Variants in MAP3K19 observed in about 807,000 individuals in gnomAD.
MAP3K19 encodes the protein mitogen-activated protein kinase kinase kinase 19.
In MAP3K19, 91 loss-of-function variants were observed where a neutral mutation model predicts 114.4. The ratio of observed to expected loss-of-function variants is 0.80; its 90% CI spans 0.67 to 0.95. MAP3K19 has a LOEUF of 0.95. Ranked by LOEUF, MAP3K19 falls within the 40% of genes least tolerant of loss-of-function variation. MAP3K19 has a pLI of 0.00. For missense variants in MAP3K19, 1,471 were observed against 1,573.2 expected (o/e 0.94, Z 1.10); for synonymous variants, 518 against 530.5 (o/e 0.98, Z 0.32).
chr2:135,026,393 C>T (rs1688255923), intron 3 of MAP3K19, among the ~76,000 whole-genome samples: 1 of 152,200 alleles, frequency 6.6e-6, no homozygotes, highest in Non-Finnish European at 1.5e-5. Flanking sequence ...TATTTCTCAA[C>T]ACTAGGCTGA....
intron 5 of MAP3K19, 145 bp from the exon 6 acceptor site, chr2:135,005,676 A>C (rs1356307920): frequency 6.2e-5 from 40 of 640,402 alleles, no homozygotes; most frequent in South Asian, 3.3e-4. Context: ...CTAAAATAAT[A>C]AGAAAGTATC....
chr2:135,004,404 G>T (rs549232205), intron 6 of MAP3K19, among the ~76,000 whole-genome samples: 1 of 152,150 alleles, frequency 6.6e-6, no homozygotes. Flanking sequence ...CCCAGTGGGC[G>T]TGAGAAAGGC....
intron 8 of MAP3K19, among the ~76,000 whole-genome samples, chr2:134,995,595 G>A (rs887640046): frequency 5.3e-5 from 8 of 152,150 alleles, no homozygotes; most frequent in Non-Finnish European, 2.9e-5. Context: ...CACAGGATGG[G>A]ATGAATTAGT....
intron 2 of MAP3K19, among the ~76,000 whole-genome samples, chr2:135,031,429 G>A (rs76876678): frequency 6.6e-6 from 1 of 152,138 alleles, no homozygotes; most frequent in Admixed American, 6.5e-5. Context: ...GCTTTGGAAG[G>A]AGTTAGGTAT....
At chr2:134,983,633 G>A (rs375812000) in intron 11 of MAP3K19, 43 bp downstream of exon 11, 64 of 1,472,150 alleles carry the variant, frequency 4.3e-5, no homozygotes, top group Non-Finnish European at 5.7e-5. Context: ...AGGGACTGTG[G>A]GGGGGTGGGG....
At position 134,999,861 on chromosome 2, in the gene MAP3K19, A is replaced by G; in HGVS notation, c.314+76T>C. On this transcript the variant is annotated intron_variant, in intron 7 of 12. Coordinates refer to ENST00000392915, the MANE Select transcript of MAP3K19 (RefSeq NM_025052.5). The surrounding 1 kb of genome is among the most constrained non-coding windows in gnomAD (Gnocchi z 4.1). The stretch of plus-strand genomic sequence containing the variant: ...AGCATTATTATGGATTCAATTACTA[A>G]TAATGTAGGTTGCCATATGACTATC... 3.2e-6 allele frequency: 3 copies of G among 946,344 alleles called. No homozygotes were observed. The highest frequency in any genetic ancestry group is 5.2e-6 in the Non-Finnish European group (3 of 579,062). 58.6% of individuals were successfully genotyped at this position (946,344 alleles called of 1,614,324 possible).
chr2:135,022,343 G>C (rs1019946401), intron 4 of MAP3K19, among the ~76,000 whole-genome samples: 4 of 152,162 alleles, frequency 2.6e-5, no homozygotes, highest in Non-Finnish European at 4.4e-5. Context: ...AGCAGTTCAA[G>C]GTTAGGGAAT....
At position 134,986,751 on chromosome 2, in the gene MAP3K19, C is replaced by T; in HGVS notation, c.2121G>A (p.Glu707=). Residue 707 remains glutamate, a synonymous_variant, in exon 10 of 13, where the codon GAG becomes GAA. Transcript: ENST00000392915. The stretch of plus-strand genomic sequence containing the variant: ...GTCTTGTTCTGATATTGCTCTTCCT[C>T]TCACTGTGTGAAGATCGACATTTAT... ...ITNKCRSSHS[E]RKSNIRTRLS... 6.2e-7 allele frequency: 1 copy of T among 1,614,192 alleles called. No homozygotes were observed. The highest frequency in any genetic ancestry group is 8.5e-7 in the Non-Finnish European group (1 of 1,180,034).
chr2:134,965,826 A>G (rs971020361), intron 12 of MAP3K19, among the ~76,000 whole-genome samples: 29 of 151,730 alleles, frequency 1.9e-4, no homozygotes, highest in African/African-American at 7.0e-4. Flanking sequence ...ATTAGAACTT[A>G]CTCCTTCTAT....
chr2:134,996,090 C>T (rs1402889319), intron 8 of MAP3K19, among the ~76,000 whole-genome samples: 6 of 151,958 alleles, frequency 3.9e-5, no homozygotes, highest in African/African-American at 7.3e-5. Context: ...TAGGTGTGCA[C>T]CACCACAGCC....
intron 6 of MAP3K19, among the ~76,000 whole-genome samples, chr2:135,001,972 A>G (rs1385369185): frequency 2.0e-5 from 3 of 152,228 alleles, no homozygotes; most frequent in Non-Finnish European, 4.4e-5. Flanking sequence ...ATTACAGAAT[A>G]TTGATTCTGA....
intron 4 of MAP3K19, chr2:135,023,668 A>G (rs1281585582): frequency 2.3e-6 from 1 of 440,584 alleles, no homozygotes; most frequent in Middle Eastern, 3.4e-4. Flanking sequence ...TTCTTTCACA[A>G]TGTCTCCTAG....
chr2:134,989,599 T>C (rs1179986237), intron 9 of MAP3K19, among the ~76,000 whole-genome samples: 1 of 152,150 alleles, frequency 6.6e-6, no homozygotes, highest in Admixed American at 6.5e-5. Flanking sequence ...CCTTTTACAA[T>C]GCTAAGCAGT....
At chr2:134,974,380 G>A (rs1318878387) in intron 12 of MAP3K19, among the ~76,000 whole-genome samples, 1 of 152,118 alleles carries the variant, frequency 6.6e-6, no homozygotes, top group South Asian at 2.1e-4. Flanking sequence ...TCTGATGGGG[G>A]TTCTTTTATA....
chr2:134,965,265 T>C (rs1255369602), intron 12 of MAP3K19, among the ~76,000 whole-genome samples: 3 of 152,246 alleles, frequency 2.0e-5, no homozygotes, highest in Non-Finnish European at 4.4e-5. Flanking sequence ...TTGTTTGGAG[T>C]CTAATTTACG....
At chr2:134,998,212 C>T (rs1686163897) in intron 8 of MAP3K19, among the ~76,000 whole-genome samples, 1 of 152,132 alleles carries the variant, frequency 6.6e-6, no homozygotes, top group South Asian at 2.1e-4. Flanking sequence ...GACCCTGGGA[C>T]CTGGTAGAAG....
intron 4 of MAP3K19, among the ~76,000 whole-genome samples, chr2:135,022,299 C>CA (rs1015926297): frequency 2.6e-5 from 4 of 152,136 alleles, no homozygotes; most frequent in African/African-American, 7.2e-5. Context: ...GGTGCTGGGA[C>CA]ATGAGTAAGA....
chr2:135,003,463 G>A (rs1686592772), intron 6 of MAP3K19, among the ~76,000 whole-genome samples: 1 of 152,110 alleles, frequency 6.6e-6, no homozygotes, highest in Non-Finnish European at 1.5e-5. Context: ...AGGCTCTCTT[G>A]TTCACTCATG....
chr2:135,033,808 G>C (rs1488224015), intron 2 of MAP3K19, among the ~76,000 whole-genome samples: 1 of 4,854 alleles, frequency 2.1e-4, no homozygotes, highest in Non-Finnish European at 3.9e-4. Context: ...CGGACGGGGT[G>C]GCTGGCCGGG....
Sources: allele counts gnomAD v4.1 joint callset (sites outside exome capture counted in the v4.1 genomes callset), GRCh38; gene constraint gnomAD v4.1.1; non-coding constraint Gnocchi (gnomAD v3.1); transcripts MANE v1.5; gene names NCBI Gene and HGNC (gene_info 2026-07-23, HGNC 2026-07-21).